The following ALK variants were observed in gnomAD, a reference collection of about 807,000 sequenced individuals.
The protein encoded by ALK is ALK tyrosine kinase receptor.
A neutral mutation model predicts 163.1 loss-of-function variants in ALK; 74 were observed. The observed-to-expected ratio is 0.45, with a 90% confidence interval of 0.38 to 0.55. ALK has a LOEUF of 0.55. ALK is among the 20% of genes least tolerant of loss of function. ALK has a pLI of 0.00. For missense variants in ALK, 2,063 were observed against 2,105.3 expected (o/e 0.98, Z 0.39); for synonymous variants, 960 against 843.2 (o/e 1.14, Z -2.40).
chr2:29,520,203 A>G (rs1164002596), intron 4 of ALK, among the ~76,000 whole-genome samples: 1 of 152,216 alleles, frequency 6.6e-6, no homozygotes, highest in East Asian at 1.9e-4. Flanking sequence ...GGTTAAGGCC[A>G]CAAATGGAGA....
At chr2:29,631,764 C>T (rs1203204273) in intron 3 of ALK, among the ~76,000 whole-genome samples, 1 of 152,236 alleles carries the variant, frequency 6.6e-6, no homozygotes, top group Non-Finnish European at 1.5e-5. Flanking sequence ...GATTAGGTAT[C>T]ACAACGTGGC....
rs549998594 is a variant in ALK at position 29,841,219 on chromosome 2, G to A, written c.667+78774C>T. 6.6e-5 allele frequency among the ~76,000 whole-genome samples: 10 copies of A among 152,184 alleles called. No homozygotes were observed. In the South Asian group the frequency reaches 2.1e-3, roughly 32 times the overall value. ...TCATTTAAAAAAAAGACAAAATAAT[G>A]CCTAGAGATATTAAGCAATTTTTTC... is the stretch of plus-strand genomic sequence containing the variant. On this transcript the variant is annotated intron_variant, in intron 1 of 28. Transcript: ENST00000389048.
intron 3 of ALK, among the ~76,000 whole-genome samples, chr2:29,543,212 G>A (rs1453337551): frequency 6.6e-6 from 1 of 152,162 alleles, no homozygotes; most frequent in Non-Finnish European, 1.5e-5. Flanking sequence ...ATGGAAGGGT[G>A]AGGGGAGGAA....
At chr2:29,826,448 TAAA>T (rs397959887) in intron 1 of ALK, among the ~76,000 whole-genome samples, 3 of 140,034 alleles carry the variant, frequency 2.1e-5, no homozygotes, top group African/African-American at 2.6e-5. Flanking sequence ...CCAGTTGATT[TAAA>T]AAAAAAAAAA....
At chr2:29,592,773 A>G (rs1473950091) in intron 3 of ALK, among the ~76,000 whole-genome samples, 1 of 152,102 alleles carries the variant, frequency 6.6e-6, no homozygotes, top group African/African-American at 2.4e-5. Context: ...TGTAAATCCA[A>G]AGAGAGGCAG....
At position 29,877,771 on chromosome 2, in the gene ALK, C is replaced by G. The variant is rs557752491; in HGVS notation, c.667+42222G>C. On this transcript the variant is annotated intron_variant, in intron 1 of 28. Coordinates refer to ENST00000389048, the MANE Select transcript of ALK (RefSeq NM_004304.5). ...CCTACCTGTACTTTCGGAGTCAGGTCTTCAAGGCAAAAGCGCTGCTCCTTG... is the reference window on the plus strand; with the variant it reads ...CCTACCTGTACTTTCGGAGTCAGGTGTTCAAGGCAAAAGCGCTGCTCCTTG... Among the ~76,000 whole-genome samples, 3 of 152,122 alleles carry G rather than the reference C, an allele frequency of 2.0e-5. No homozygotes were observed. In the South Asian group the frequency reaches 6.2e-4, roughly 32 times the overall value.
chr2:29,850,427 G>T (rs4665484), intron 1 of ALK, among the ~76,000 whole-genome samples: 40,540 of 152,146 alleles, frequency 0.27, 6,237 homozygotes, highest in East Asian at 0.53. Context: ...TGCACTTAAG[G>T]TTTATGTAAT....
chr2:29,823,613 G>C (rs1396010481), intron 1 of ALK, among the ~76,000 whole-genome samples: 2 of 152,214 alleles, frequency 1.3e-5, no homozygotes, highest in Non-Finnish European at 2.9e-5. Context: ...TTAGCAAAGA[G>C]ATTGGTGGCA....
chr2:29,291,476 C>G (rs1249587984), intron 9 of ALK, among the ~76,000 whole-genome samples: 1 of 152,200 alleles, frequency 6.6e-6, no homozygotes, highest in Admixed American at 6.5e-5. Context: ...AGGAGGCAGA[C>G]CAGCCTAAAG....
At chr2:29,793,748 A>T (rs1229355412) in intron 1 of ALK, among the ~76,000 whole-genome samples, 1 of 152,234 alleles carries the variant, frequency 6.6e-6, no homozygotes, top group African/African-American at 2.4e-5. Context: ...GTAGGTATTA[A>T]AAATGAGCTT....
intron 5 of ALK, among the ~76,000 whole-genome samples, chr2:29,355,054 C>G (rs575121405): frequency 6.6e-6 from 1 of 152,356 alleles, no homozygotes; most frequent in Admixed American, 6.5e-5. Flanking sequence ...GCGTGAGCCA[C>G]TACGCCCGGC....
intron 1 of ALK, among the ~76,000 whole-genome samples, chr2:29,911,986 A>C (rs989392876): frequency 3.3e-5 from 5 of 152,202 alleles, no homozygotes; most frequent in African/African-American, 1.2e-4. Flanking sequence ...AAAATATCTA[A>C]AGTAAATAAT....
At chr2:29,495,565 A>G (rs1010609829) in intron 4 of ALK, among the ~76,000 whole-genome samples, 1 of 152,122 alleles carries the variant, frequency 6.6e-6, no homozygotes, top group Admixed American at 6.5e-5. Context: ...TTTGTAAAGA[A>G]TCTCCCTGAT....
intron 4 of ALK, among the ~76,000 whole-genome samples, chr2:29,521,349 A>G (rs78131110): frequency 0.032 from 4,909 of 152,108 alleles, 121 homozygotes; most frequent in Non-Finnish European, 0.048. Context: ...CCACCACAAG[A>G]CTTCCCCACT....
At chr2:29,797,606 G>A (rs1314079174) in intron 1 of ALK, among the ~76,000 whole-genome samples, 3 of 152,146 alleles carry the variant, frequency 2.0e-5, no homozygotes, top group Non-Finnish European at 4.4e-5. Context: ...TATAGCCCAA[G>A]TGCCAGGGAC....
chr2:29,641,181 T>C (rs955971382), intron 3 of ALK, among the ~76,000 whole-genome samples: 1 of 152,060 alleles, frequency 6.6e-6, no homozygotes, highest in African/African-American at 2.4e-5. Flanking sequence ...TTGGCAGGTT[T>C]CAAGCAAGGG....
intron 28 of ALK, among the ~76,000 whole-genome samples, chr2:29,194,909 T>C (rs1206711398): frequency 6.6e-6 from 1 of 152,158 alleles, no homozygotes; most frequent in East Asian, 1.9e-4. Flanking sequence ...ATTTTCACAG[T>C]AATAGACTGT....
At chr2:29,655,754 C>T (rs1316509483) in intron 3 of ALK, among the ~76,000 whole-genome samples, 1 of 152,176 alleles carries the variant, frequency 6.6e-6, no homozygotes, top group Non-Finnish European at 1.5e-5. Flanking sequence ...GTTCTAGATA[C>T]TCTTCATAGA....
chr2:29,348,625 C>T (rs1668022249), intron 5 of ALK, among the ~76,000 whole-genome samples: 1 of 152,228 alleles, frequency 6.6e-6, no homozygotes, highest in Admixed American at 6.5e-5. Flanking sequence ...ATGCTCACAG[C>T]TCGTATGGTA....
Sources: gnomAD v4.1 joint callset for allele counts (sites outside exome capture counted in the v4.1 genomes callset) on GRCh38, gnomAD v4.1.1 for gene constraint, MANE v1.5 for transcripts, NCBI Gene and HGNC (gene_info 2026-07-23, HGNC 2026-07-21) for gene names.